MSTO1: variants seen among roughly 807,000 people sequenced by gnomAD.
MSTO1 encodes the protein protein misato homolog 1.
Under a neutral mutation model 55.7 loss-of-function variants are expected in MSTO1, and 24 were observed. The ratio of observed to expected loss-of-function variants is 0.43; its 90% CI spans 0.31 to 0.61. MSTO1 has a LOEUF of 0.61. Ranked by LOEUF, MSTO1 falls within the 20% of genes least tolerant of loss-of-function variation. MSTO1 has a pLI of 0.09. For missense variants in MSTO1, 363 were observed against 625.7 expected (o/e 0.58, Z 4.48); for synonymous variants, 162 against 252.8 (o/e 0.64, Z 3.41).
upstream of MSTO1, among the ~76,000 whole-genome samples, chr1:155,605,286 AAAAC>A: frequency 6.6e-6 from 1 of 151,826 alleles, no homozygotes; most frequent in Non-Finnish European, 1.5e-5. Flanking sequence ...AAAACAAAAC[AAAAC>A]AAAAACAATA....
chr1:155,589,134 C>T, the MSTO1 span, among the ~76,000 whole-genome samples: 1 of 152,020 alleles, frequency 6.6e-6, no homozygotes, highest in African/African-American at 2.4e-5. Flanking sequence ...CCCGTCTCTA[C>T]TAAAAATACA....
the MSTO1 span, among the ~76,000 whole-genome samples, chr1:155,601,010 G>C: frequency 6.9e-6 from 1 of 144,178 alleles, no homozygotes; most frequent in Non-Finnish European, 1.5e-5. Context: ...AATAGAGATG[G>C]AGTTTCACCA....
the MSTO1 span, among the ~76,000 whole-genome samples, chr1:155,570,562 A>G: frequency 6.6e-6 from 1 of 152,184 alleles, no homozygotes; most frequent in Non-Finnish European, 1.5e-5. Context: ...ATCTTATCTT[A>G]TAAGCGTTTT....
chr1:155,585,251 T>C, the MSTO1 span, among the ~76,000 whole-genome samples: 13 of 152,020 alleles, frequency 8.6e-5, no homozygotes, highest in South Asian at 2.1e-4. Context: ...GGGACGGGCG[T>C]GGTAGCTCAC....
At chr1:155,612,121 A>C in intron 7 of MSTO1, 21 bp downstream of exon 7, 1 of 1,612,552 alleles carries the variant, frequency 6.2e-7, no homozygotes, top group Non-Finnish European at 8.5e-7. Flanking sequence ...GGCAATGTGC[A>C]CTCCAGGGTG....
the MSTO1 span, among the ~76,000 whole-genome samples, chr1:155,580,266 C>T: frequency 3.3e-5 from 5 of 151,254 alleles, no homozygotes; most frequent in African/African-American, 1.2e-4. Context: ...TGGCTCACAC[C>T]CGTAATCCCA....
At chr1:155,590,053 G>A in the MSTO1 span, among the ~76,000 whole-genome samples, 1 of 151,480 alleles carries the variant, frequency 6.6e-6, no homozygotes, top group Non-Finnish European at 1.5e-5. Context: ...GGAGGTGGGG[G>A]CGGGGGTCTA....
the MSTO1 span, among the ~76,000 whole-genome samples, chr1:155,568,102 C>T: frequency 4.8e-5 from 6 of 123,836 alleles, no homozygotes; most frequent in Admixed American, 3.3e-4. Flanking sequence ...TTTTTTGAGA[C>T]GGAGTCTCAC....
upstream of MSTO1, among the ~76,000 whole-genome samples, chr1:155,608,637 C>T (rs1203023354): frequency 6.6e-6 from 1 of 150,672 alleles, no homozygotes; most frequent in East Asian, 2.0e-4. Flanking sequence ...GTAGCTGGGA[C>T]TACAGGTCGC....
chr1:155,613,170 C>G lies in MSTO1; in HGVS notation c.1220C>G (p.Ser407Cys), dbSNP rs1332008521. 1.9e-6 allele frequency: 3 copies of G among 1,614,010 alleles called. No homozygotes were observed. The highest frequency in any genetic ancestry group is 1.7e-6 in the Non-Finnish European group (2 of 1,180,036). ...CCACTGTCTGCATGTGGGGAGCCTTCTGGAACACGTTGCTTTGCCCAGTCA... is the reference window on the plus strand; with the variant it reads ...CCACTGTCTGCATGTGGGGAGCCTTGTGGAACACGTTGCTTTGCCCAGTCA... ...WTPLSACGEP[S>C]GTRCFAQSVV... The change falls in exon 11 of 14, where the codon TCT (serine) becomes TGT (cysteine). Residue 407 changes from serine (S) to cysteine (C), a missense_variant. Around this residue, in one of 3 missense-constraint regions of MSTO1, gnomAD observed 231 missense variants for 286.9 expected, o/e 0.81. Coordinates refer to ENST00000245564, the MANE Select transcript of MSTO1 (RefSeq NM_018116.4).
chr1:155,590,834 T>C, the MSTO1 span: 1 of 1,608,514 alleles, frequency 6.2e-7, no homozygotes. Flanking sequence ...AAGTCCCAGA[T>C]GATGGCATGC....
At chr1:155,568,739 GT>G in the MSTO1 span, among the ~76,000 whole-genome samples, 2 of 151,956 alleles carry the variant, frequency 1.3e-5, no homozygotes, top group Non-Finnish European at 2.9e-5. Flanking sequence ...CACCCAGCCA[GT>G]TTTTTTGTTT....
At chr1:155,604,777 A>G in the MSTO1 span, among the ~76,000 whole-genome samples, 1 of 152,158 alleles carries the variant, frequency 6.6e-6, no homozygotes, top group African/African-American at 2.4e-5. Flanking sequence ...TGGGGGGCTG[A>G]GGTGGGAGGA....
the MSTO1 span, among the ~76,000 whole-genome samples, chr1:155,590,239 A>AT: frequency 6.6e-6 from 1 of 151,846 alleles, no homozygotes; most frequent in Admixed American, 6.6e-5. Flanking sequence ...ATCTAGGGAA[A>AT]CCCAGCCCCC....
the MSTO1 span, among the ~76,000 whole-genome samples, chr1:155,565,026 CAGG>C: frequency 7.2e-5 from 11 of 152,022 alleles, no homozygotes; most frequent in Admixed American, 6.6e-5. Context: ...GAGGCTGAGG[CAGG>C]AGAATTGCTT....
At chr1:155,609,393 C>T (rs1673352997), upstream of MSTO1, among the ~76,000 whole-genome samples, 1 of 150,860 alleles carries the variant, frequency 6.6e-6, no homozygotes, top group African/African-American at 2.4e-5. Context: ...CTACAGGCGC[C>T]CGCCACCACG....
At chr1:155,606,960 G>C (rs1426042621), upstream of MSTO1, among the ~76,000 whole-genome samples, 2 of 151,458 alleles carry the variant, frequency 1.3e-5, no homozygotes, top group Admixed American at 1.3e-4. Context: ...TCAGACTCCT[G>C]AGTAGTTGAG....
the MSTO1 span, among the ~76,000 whole-genome samples, chr1:155,574,460 GTA>G: frequency 6.6e-6 from 1 of 151,362 alleles, no homozygotes; most frequent in Admixed American, 6.6e-5. Flanking sequence ...TCCTATAGTT[GTA>G]TATATATATA....
chr1:155,588,102 G>C, the MSTO1 span, among the ~76,000 whole-genome samples: 1 of 151,590 alleles, frequency 6.6e-6, no homozygotes. Context: ...TCAGCTACTC[G>C]GGAGGCTGTG....
Sources: gnomAD v4.1 joint callset for allele counts (sites outside exome capture counted in the v4.1 genomes callset) on GRCh38, gnomAD v4.1.1 for gene constraint, gnomAD v4.1.1 regional missense constraint, MANE v1.5 for transcripts, NCBI Gene and HGNC (gene_info 2026-07-23, HGNC 2026-07-21) for gene names.